DNMT1: variants seen among roughly 807,000 people sequenced by gnomAD.
DNMT1 encodes DNA methyltransferase 1, also known as DNA (cytosine-5)-methyltransferase 1.
In DNMT1, 24 loss-of-function variants were observed where a neutral mutation model predicts 205.3. The ratio of observed to expected loss-of-function variants is 0.12; its 90% CI spans 0.08 to 0.16. The LOEUF is 0.16. Ranked by LOEUF, DNMT1 falls within the 10% of genes least tolerant of loss-of-function variation. The pLI is 1.00. For synonymous variants in DNMT1, 817 were observed against 839.8 expected (o/e 0.97, Z 0.47); for missense variants, 1,293 against 2,177.7 (o/e 0.59, Z 8.09).
At chr19:10,155,290 G>T (rs1197866476) in intron 19 of DNMT1, among the ~76,000 whole-genome samples, 1 of 152,060 alleles carries the variant, frequency 6.6e-6, no homozygotes, top group Non-Finnish European at 1.5e-5. Flanking sequence ...CTCATCTCTG[G>T]TGTTTGGAAT....
At chr19:10,143,384 CTTTTTT>C (rs542026334) in intron 29 of DNMT1, among the ~76,000 whole-genome samples, 2 of 119,528 alleles carry the variant, frequency 1.7e-5, no homozygotes, top group African/African-American at 6.4e-5. Flanking sequence ...CCCAGCTAGT[CTTTTTT>C]TTTTTTTTTT....
At chr19:10,167,238 T>A (rs1326070995) in intron 10 of DNMT1, among the ~76,000 whole-genome samples, 1 of 151,820 alleles carries the variant, frequency 6.6e-6, no homozygotes, top group Non-Finnish European at 1.5e-5. Context: ...CTCTATCACC[T>A]ACCCTGGAGT....
In DNMT1 at chr19:10,156,293, G is replaced by A; in HGVS notation, c.1399+98C>T. 1.0e-6 allele frequency: 1 copy of A among 954,530 alleles called. No homozygotes were observed. The highest frequency in any genetic ancestry group is 1.7e-6 in the Non-Finnish European group (1 of 592,156). The allele number at this position is 954,530 out of a possible 1,614,324, so 59.1% of individuals were successfully genotyped here. On this transcript the variant is annotated intron_variant, in intron 18 of 40. Transcript: ENST00000359526. This position sits in a 1 kb window ranked among gnomAD's most constrained non-coding sequence, Gnocchi z 4.2. ...AACTCCCGGGCTCAAGTGATCCTCTGGCCTCAGACCCCCAAAGTGCTAGGA... is the reference window on the plus strand; with the variant it reads ...AACTCCCGGGCTCAAGTGATCCTCTAGCCTCAGACCCCCAAAGTGCTAGGA...
In DNMT1 at chr19:10,146,431, G is replaced by C. The variant is rs529120158; in HGVS notation, c.2814C>G (p.Leu938=). The C allele has an allele frequency of 3.4e-5, 55 of 1,614,112 alleles. No homozygotes were observed. The South Asian group carries it at 4.6e-4, about 14-fold the overall frequency. The part of the protein sequence containing the change: ...EQLEDLDSRV[L]YYSATKNGIL... Reference sequence around the variant, plus strand: ...TGCCGTTCTTGGTGGCTGAGTAGTAGAGGACCCGGCTATCCAGGTCCTCGA... The same window carrying C: ...TGCCGTTCTTGGTGGCTGAGTAGTACAGGACCCGGCTATCCAGGTCCTCGA... Residue 938 remains leucine (L), a synonymous_variant, in exon 28 of 41, where the codon CTC becomes CTG. Coordinates refer to ENST00000359526, the MANE Select transcript of DNMT1 (RefSeq NM_001130823.3). This position sits in a 1 kb window ranked among gnomAD's most constrained non-coding sequence, Gnocchi z 4.4.
At chr19:10,141,024 G>T (rs2145267630) in intron 31 of DNMT1, 81 bp downstream of exon 31, 1 of 1,612,562 alleles carries the variant, frequency 6.2e-7, no homozygotes, top group Non-Finnish European at 8.5e-7. Context: ...AACACCAGAG[G>T]TGGTTTTACA....
Position 10,151,678 on chromosome 19 carries a change from C to T in DNMT1, c.2117+72G>A. On this transcript the variant is annotated intron_variant, in intron 23 of 40. Coordinates refer to ENST00000359526, the MANE Select transcript of DNMT1 (RefSeq NM_001130823.3). The surrounding 1 kb of genome is among the most constrained non-coding windows in gnomAD (Gnocchi z 5.0). Reference sequence around the variant, plus strand: ...CCTGGTGCTGTCCCACACATGCAGGCCCTTCTCCACAGTGCATCTGCCACC... The same window carrying T: ...CCTGGTGCTGTCCCACACATGCAGGTCCTTCTCCACAGTGCATCTGCCACC... 1.2e-6 allele frequency: 2 copies of T among 1,606,734 alleles called. No homozygotes were observed. The highest frequency in any genetic ancestry group is 8.5e-7 in the Non-Finnish European group (1 of 1,173,982).
chr19:10,143,240 G>A (rs559459906), intron 29 of DNMT1, among the ~76,000 whole-genome samples: 7 of 152,242 alleles, frequency 4.6e-5, no homozygotes, highest in Non-Finnish European at 7.4e-5. Context: ...CTTTTGAGAC[G>A]GGGTCTGGCT....
intron 30 of DNMT1, 114 bp from the exon 31 acceptor site, chr19:10,141,303 T>C (rs57711346): frequency 2.2e-5 from 23 of 1,040,166 alleles, no homozygotes; most frequent in Admixed American, 8.9e-5. Flanking sequence ...AGTGGGGCCA[T>C]GACCAATTAG....
intron 1 of DNMT1, among the ~76,000 whole-genome samples, chr19:10,186,106 C>T (rs1415536891): frequency 2.0e-5 from 3 of 152,152 alleles, no homozygotes; most frequent in Non-Finnish European, 4.4e-5. Flanking sequence ...CCCCTGATCC[C>T]GAGGTTGCCT....
Position 10,138,495 on chromosome 19 carries a change from C to G in DNMT1, c.4059G>C (p.Arg1353=), listed in dbSNP as rs1230924342. 6.2e-7 allele frequency: 1 copy of G among 1,613,796 alleles called. No individual in the cohort carries two copies. The highest frequency in any genetic ancestry group is 1.7e-5 in the Admixed American group (1 of 60,020). ...FPEPLHVFAP[R]ACQLSVVVDD... is the part of the protein sequence containing the mutation. ...CCACCACCACGCTCAGCTGGCAGGC[C>G]CGGGGAGCAAACACGTGCAGTGGCT... Residue 1353 remains arginine, a synonymous_variant, in exon 35 of 41, where the codon CGG becomes CGC. Coordinates refer to ENST00000359526, the MANE Select transcript of DNMT1 (RefSeq NM_001130823.3). This position sits in a 1 kb window ranked among gnomAD's most constrained non-coding sequence, Gnocchi z 4.1.
At chr19:10,150,007 A>T (rs1568231386) in intron 24 of DNMT1, 39 bp from the exon 25 acceptor site, 1 of 1,586,170 alleles carries the variant, frequency 6.3e-7, no homozygotes, top group Admixed American at 1.7e-5. Flanking sequence ...GATCATTCTG[A>T]GGGTCTTTGC....
At chr19:10,141,774 C>T (rs2089604590) in intron 30 of DNMT1, 2 of 536,442 alleles carry the variant, frequency 3.7e-6, no homozygotes, top group Non-Finnish European at 6.7e-6. Flanking sequence ...ACGTTAGGTT[C>T]TCTAATGACG....
Position 10,165,195 on chromosome 19 carries a change from T to A in DNMT1, c.891+1403A>T, listed in dbSNP as rs139822094. On this transcript the variant is annotated intron_variant, in intron 11 of 40. Coordinates refer to ENST00000359526, the MANE Select transcript of DNMT1 (RefSeq NM_001130823.3). ...CTGAGGCGGGAAGATCACCTGAGCC[T>A]GGGAGGTCGAGGCTACAGTGAACCG... Among the ~76,000 whole-genome samples, 965 of 152,084 alleles carry A rather than the reference T, an allele frequency of 6.3e-3. 9 individuals carry two copies. Among genetic ancestry groups the A allele is most frequent in the African/African-American group, 0.022 (916 of 41,512 alleles).
chr19:10,160,293 T>C (rs1160742472), intron 14 of DNMT1, 91 bp downstream of exon 14: 14 of 1,587,414 alleles, frequency 8.8e-6, no homozygotes, highest in South Asian at 1.1e-5. Context: ...AAGGTTGCTC[T>C]GGCAATTACT....
chr19:10,135,249 C>T (rs1283196290), intron 39 of DNMT1, among the ~76,000 whole-genome samples: 2 of 148,824 alleles, frequency 1.3e-5, no homozygotes, highest in South Asian at 2.2e-4. Context: ...GGCTGCTTCC[C>T]GAGAACCAGA....
chr19:10,163,869 C>T (rs557546545), intron 11 of DNMT1, among the ~76,000 whole-genome samples: 2 of 152,182 alleles, frequency 1.3e-5, no homozygotes, highest in African/African-American at 4.8e-5. Context: ...ATGCTGAGAC[C>T]CCATCTCTGC....
chr19:10,174,611 G>A (rs942567940), intron 7 of DNMT1, among the ~76,000 whole-genome samples: 1 of 152,024 alleles, frequency 6.6e-6, no homozygotes, highest in African/African-American at 2.4e-5. Context: ...GGAAGCTGAG[G>A]ATGGAGAGTC....
Position 10,137,518 on chromosome 19 carries a change from G to A in DNMT1, c.4294-238C>T, listed in dbSNP as rs1259210740. On this transcript the variant is annotated intron_variant, in intron 36 of 40. Coordinates refer to ENST00000359526, the MANE Select transcript of DNMT1 (RefSeq NM_001130823.3). This position sits in a 1 kb window ranked among gnomAD's most constrained non-coding sequence, Gnocchi z 6.4. ...GAGCCTTTAGGGTGGGGGAAGGGGA[G>A]TGGTGCCAGGGGATGGTGAAAGGGC... The A allele has an allele frequency of 7.8e-6, 5 of 637,352 alleles. No homozygotes were observed. The highest frequency in any genetic ancestry group is 1.8e-5 in the African/African-American group (1 of 54,742). The allele number at this position is 637,352 out of a possible 1,614,324, so 39.5% of individuals were successfully genotyped here.
chr19:10,157,274 C>T (rs1466632155), intron 17 of DNMT1, among the ~76,000 whole-genome samples: 1 of 151,856 alleles, frequency 6.6e-6, no homozygotes, highest in Non-Finnish European at 1.5e-5. Flanking sequence ...ATTCAAGATA[C>T]CTCATATGGT....
Sources: gnomAD v4.1 joint callset for allele counts (sites outside exome capture counted in the v4.1 genomes callset) on GRCh38, gnomAD v4.1.1 for gene constraint, Gnocchi (gnomAD v3.1) non-coding constraint, MANE v1.5 for transcripts, NCBI Gene and HGNC (gene_info 2026-07-23, HGNC 2026-07-21) for gene names.